SATB2: variants seen among roughly 807,000 people sequenced by gnomAD.
SATB2 encodes SATB homeobox 2, also known as DNA-binding protein SATB2.
A neutral mutation model predicts 73.4 loss-of-function variants in SATB2; 1 was observed. The ratio of observed to expected loss-of-function variants is 0.01; its 90% CI spans 0.00 to 0.06. The LOEUF is 0.06. SATB2 is among the 10% of genes least tolerant of loss of function. The pLI is 1.00. For missense variants in SATB2, 459 were observed against 945.8 expected (o/e 0.49, Z 6.75); for synonymous variants, 397 against 367.0 (o/e 1.08, Z -0.93).
At chr2:199,289,949 C>T (rs995192003) in intron 10 of SATB2, among the ~76,000 whole-genome samples, 2 of 152,358 alleles carry the variant, frequency 1.3e-5, no homozygotes, top group Middle Eastern at 3.4e-3. Context: ...TCCCAACAGG[C>T]CTCCCTGTCA....
At chr2:199,367,000 T>C (rs916596009) in intron 6 of SATB2, among the ~76,000 whole-genome samples, 8 of 152,104 alleles carry the variant, frequency 5.3e-5, no homozygotes, top group Non-Finnish European at 1.0e-4. Flanking sequence ...AATCTGGAAT[T>C]ACACTCCAGC....
intron 2 of SATB2, among the ~76,000 whole-genome samples, chr2:199,437,419 T>C (rs543422364): frequency 1.3e-5 from 2 of 152,372 alleles, no homozygotes; most frequent in Admixed American, 1.3e-4. Context: ...GAAACTGTCA[T>C]TTTCATTCTG....
At chr2:199,391,432 C>CAAAAAAAAAAAAAAAAAA (rs56190034) in intron 3 of SATB2, among the ~76,000 whole-genome samples, 1 of 98,648 alleles carries the variant, frequency 1.0e-5, no homozygotes, top group African/African-American at 4.0e-5. Flanking sequence ...GACTCCGTCT[C>CAAAAAAAAAAAAAAAAAA]AAAAAAAAAA....
chr2:199,309,305 G>C (rs1168619680), intron 9 of SATB2, among the ~76,000 whole-genome samples: 1 of 152,134 alleles, frequency 6.6e-6, no homozygotes, highest in Non-Finnish European at 1.5e-5. Flanking sequence ...TACCCAACTG[G>C]GCAGCATTTC....
At chr2:199,368,112 T>C (rs1222304338) in intron 6 of SATB2, among the ~76,000 whole-genome samples, 1 of 152,084 alleles carries the variant, frequency 6.6e-6, no homozygotes, top group Non-Finnish European at 1.5e-5. Flanking sequence ...TGAAGTTAAA[T>C]AATTTGCTTA....
chr2:199,361,307 C>G (rs1260927588), intron 6 of SATB2, among the ~76,000 whole-genome samples: 1 of 151,994 alleles, frequency 6.6e-6, no homozygotes, highest in East Asian at 1.9e-4. Flanking sequence ...TTGCATGTCT[C>G]TTTCTCATTC....
In SATB2 at chr2:199,348,786, T is replaced by C; in HGVS notation, c.1088A>G (p.Asp363Gly). ...CTCATCTCTGACTTGCTGGTAGATA[T>C]CTGGAGAGACTTCCACGGAAGAGTT... ...PTNSSVEVSP[D>G]IYQQVRDELK... The change falls in exon 7 of 11, where the codon GAT (aspartate) becomes GGT (glycine). Residue 363 changes from aspartate (D) to glycine (G), a missense_variant. Physicochemically the swap from Asp to Gly is moderately conservative, Grantham distance 94. Around this residue, in one of 13 missense-constraint regions of SATB2, gnomAD observed 35 missense variants for 55.3 expected, o/e 0.63. Coordinates refer to ENST00000417098, the MANE Select transcript of SATB2 (RefSeq NM_001172509.2). 1 of 1,610,240 alleles carries C rather than the reference T, an allele frequency of 6.2e-7. No homozygotes were observed. Among genetic ancestry groups the C allele is most frequent in the Non-Finnish European group, 8.5e-7 (1 of 1,177,202 alleles).
chr2:199,329,098 A>C, intron 7 of SATB2, 188 bp from the exon 8 acceptor site: 2 of 649,422 alleles, frequency 3.1e-6, no homozygotes, highest in Non-Finnish European at 5.6e-6. Context: ...GATATGCATT[A>C]TTTTAGGACT....
chr2:199,430,716 TA>T (rs1300612685), intron 3 of SATB2, among the ~76,000 whole-genome samples: 1 of 152,188 alleles, frequency 6.6e-6, no homozygotes, highest in Non-Finnish European at 1.5e-5. Flanking sequence ...CTGGAGGGAA[TA>T]CCCTCTGAGA....
At chr2:199,434,892 A>G (rs947468617) in intron 2 of SATB2, among the ~76,000 whole-genome samples, 1 of 152,210 alleles carries the variant, frequency 6.6e-6, no homozygotes, top group African/African-American at 2.4e-5. Context: ...AGATAATACA[A>G]TGGTGCAACT....
intron 3 of SATB2, among the ~76,000 whole-genome samples, chr2:199,428,521 G>A (rs1299342657): frequency 6.6e-6 from 1 of 152,138 alleles, no homozygotes; most frequent in Non-Finnish European, 1.5e-5. Flanking sequence ...TAGATCAATG[G>A]ACTTCAGATT....
chr2:199,394,386 C>A (rs1315054007), intron 3 of SATB2, among the ~76,000 whole-genome samples: 4 of 152,114 alleles, frequency 2.6e-5, no homozygotes, highest in African/African-American at 9.7e-5. Context: ...CACATGTCGA[C>A]AAGATTTACT....
chr2:199,435,331 A>T (rs1488160254), intron 2 of SATB2, among the ~76,000 whole-genome samples: 1 of 152,092 alleles, frequency 6.6e-6, no homozygotes, highest in Non-Finnish European at 1.5e-5. Flanking sequence ...ACATGTAGCG[A>T]ATAATATAAA....
chr2:199,375,181 A>G (rs1023756283), intron 5 of SATB2, among the ~76,000 whole-genome samples: 1 of 152,178 alleles, frequency 6.6e-6, no homozygotes, highest in Non-Finnish European at 1.5e-5. Flanking sequence ...AGTAAGCCAC[A>G]GAAAGATGCA....
At chr2:199,470,069 C>T (rs2105973234), upstream of SATB2, 1 of 152,550 alleles carries the variant, frequency 6.6e-6, no homozygotes, top group Middle Eastern at 3.4e-3. Context: ...CTCCCTAGAC[C>T]AAGCTGGTCA....
chr2:199,442,807 G>C (rs1052577401), intron 2 of SATB2, among the ~76,000 whole-genome samples: 3 of 152,044 alleles, frequency 2.0e-5, no homozygotes, highest in Non-Finnish European at 4.4e-5. Context: ...ATACAAGTTT[G>C]AATATAACAG....
At chr2:199,444,838 T>C (rs1478787461) in intron 2 of SATB2, among the ~76,000 whole-genome samples, 1 of 152,218 alleles carries the variant, frequency 6.6e-6, no homozygotes, top group East Asian at 1.9e-4. Context: ...TATAAGTTCA[T>C]TTATTTTGTT....
chr2:199,463,974 C>T lies in SATB2; in HGVS notation c.-141+862G>A, dbSNP rs912644503. Among the ~76,000 whole-genome samples the T allele has an allele frequency of 6.6e-6, 1 of 152,172 alleles. No homozygotes were observed. Among genetic ancestry groups the T allele is most frequent in the East Asian group, 1.9e-4 (1 of 5,166 alleles). ...CTATGGGCCCACGCCGGTCTTGAAC[C>T]AAGCGGAGAGGGCGAAAAAGCCCGC... is the stretch of plus-strand genomic sequence containing the variant. On this transcript the variant is annotated intron_variant, in intron 1 of 11. Transcript: ENST00000260926. This position sits in a 1 kb window ranked among gnomAD's most constrained non-coding sequence, Gnocchi z 6.4.
intron 3 of SATB2, among the ~76,000 whole-genome samples, chr2:199,402,400 A>G (rs2105894073): frequency 6.6e-6 from 1 of 151,984 alleles, no homozygotes; most frequent in African/African-American, 2.4e-5. Flanking sequence ...AAAAGATTTG[A>G]TACATTATCT....
Sources: gnomAD v4.1 joint callset for allele counts (sites outside exome capture counted in the v4.1 genomes callset) on GRCh38, gnomAD v4.1.1 for gene constraint, gnomAD v4.1.1 regional missense constraint, Gnocchi (gnomAD v3.1) non-coding constraint, MANE v1.5 for transcripts, NCBI Gene and HGNC (gene_info 2026-07-23, HGNC 2026-07-21) for gene names.